The following ERN1 variants were observed in gnomAD, a reference collection of about 807,000 sequenced individuals.
ERN1 encodes serine/threonine-protein kinase/endoribonuclease IRE1.
Under a neutral mutation model 113.1 loss-of-function variants are expected in ERN1, and 39 were observed. The observed-to-expected ratio is 0.34, with a 90% CI of 0.27 to 0.45. ERN1 has a LOEUF of 0.45. Among genes scored for constraint, ERN1 ranks in the 20% least tolerant of loss-of-function variants. The pLI, the probability that ERN1 is intolerant of heterozygous loss-of-function variation, is 1.00. For synonymous variants in ERN1, 507 were observed against 515.9 expected (o/e 0.98, Z 0.23); for missense variants, 976 against 1,274.8 (o/e 0.77, Z 3.57).
At chr17:64,066,486 T>C (rs915530150) in intron 8 of ERN1, among the ~76,000 whole-genome samples, 185 bp downstream of exon 8, 8 of 152,194 alleles carry the variant, frequency 5.3e-5, no homozygotes, top group African/African-American at 1.7e-4. Flanking sequence ...CTCTGAAGTG[T>C]TAATGGGTGC....
intron 1 of ERN1, among the ~76,000 whole-genome samples, chr17:64,107,696 C>G (rs1386255783): frequency 6.6e-6 from 1 of 152,152 alleles, no homozygotes; most frequent in African/African-American, 2.4e-5. Context: ...AGTACTTATA[C>G]CCAAATATGG....
At chr17:64,072,531 A>G (rs1051777825) in intron 5 of ERN1, among the ~76,000 whole-genome samples, 1 of 152,230 alleles carries the variant, frequency 6.6e-6, no homozygotes, top group Non-Finnish European at 1.5e-5. Flanking sequence ...CAACCTCCCT[A>G]ATAACCAGCC....
chr17:64,059,848 A>ATTT (rs57472561), intron 11 of ERN1, among the ~76,000 whole-genome samples: 11 of 114,590 alleles, frequency 9.6e-5, no homozygotes, highest in East Asian at 5.0e-4. Context: ...TTCTTCAACA[A>ATTT]TTTTTTTTTT....
At chr17:64,045,595 G>C (rs1912488736) in intron 19 of ERN1, 113 bp from the exon 20 acceptor site, 3 of 1,376,568 alleles carry the variant, frequency 2.2e-6, no homozygotes, top group Non-Finnish European at 3.0e-6. Context: ...CCCAGAGCTG[G>C]GCAGCAGGCA....
Position 64,068,180 on chromosome 17 carries a change from G to C in ERN1, c.580+10C>G, listed in dbSNP as rs1598056875. The C allele has an allele frequency of 6.3e-7, 1 of 1,591,362 alleles. No homozygotes were observed. The highest frequency in any genetic ancestry group is 8.6e-7 in the Non-Finnish European group (1 of 1,164,858). ...GCCCAAGCTTGTGAAATCCAGCAGA[G>C]AGCACTTACTGTAGTCCACGTCGTC... On this transcript the variant is annotated intron_variant, in intron 7 of 21. Transcript: ENST00000433197.
At position 64,079,756 on chromosome 17, in the gene ERN1, T is replaced by C. The variant is rs558024808; in HGVS notation, c.210-22A>G. On this transcript the variant is annotated intron_variant, in intron 3 of 21. Coordinates refer to ENST00000433197, the MANE Select transcript of ERN1 (RefSeq NM_001433.5). ...AGGCCTAGAGATTAAATAATAAATATCAAAGATAAATTACAGCCCAGGGCA... is the reference window on the plus strand; with the variant it reads ...AGGCCTAGAGATTAAATAATAAATACCAAAGATAAATTACAGCCCAGGGCA... The C allele has an allele frequency of 1.9e-6, 3 of 1,595,838 alleles. No homozygotes were observed. The African/African-American group carries it at 4.0e-5, about 21-fold the overall frequency.
Position 64,099,329 on chromosome 17 carries a change from T to C in ERN1, c.55-1088A>G, listed in dbSNP as rs373120511. On this transcript the variant is annotated intron_variant, in intron 1 of 21. Coordinates refer to ENST00000433197, the MANE Select transcript of ERN1 (RefSeq NM_001433.5). ...GGCTTTGCTAGGAATTGTACCCTCA[T>C]TCCACAGGGTTTCCATGGGAGCAGG... Among the ~76,000 whole-genome samples the C allele has an allele frequency of 1.4e-3, 218 of 152,122 alleles. 1 individual carries two copies. The highest frequency in any genetic ancestry group is 6.8e-3 in the Middle Eastern group (2 of 294).
chr17:64,105,867 A>C (rs894103563), intron 1 of ERN1, among the ~76,000 whole-genome samples: 1 of 152,038 alleles, frequency 6.6e-6, no homozygotes, highest in East Asian at 1.9e-4. Flanking sequence ...AGGCAGGAGA[A>C]TCGATTGAAC....
At chr17:64,074,546 T>C (rs757283188) in intron 5 of ERN1, among the ~76,000 whole-genome samples, 8 of 152,216 alleles carry the variant, frequency 5.3e-5, no homozygotes, top group Non-Finnish European at 1.2e-4. Flanking sequence ...GAGGCATGAA[T>C]AGGCAATAAG....
rs756546213 is a variant in ERN1 at position 64,044,170 on chromosome 17, C to A, written c.2752G>T (p.Val918Leu). The change falls in exon 22 of 22, where the codon GTG becomes TTG. Residue 918 changes from valine (V) to leucine (L), a missense_variant. By Grantham distance (32) the Val-to-Leu change is conservative (BLOSUM62 1). Coordinates refer to ENST00000433197, the MANE Select transcript of ERN1 (RefSeq NM_001433.5). This position sits in a 1 kb window ranked among gnomAD's most constrained non-coding sequence, Gnocchi z 4.1. ...GGGAGGGACCCCAGCGTCTCCCGCACCTCTGCAGGCAGCTCCCGGTAGTGG... is the reference window on the plus strand; with the variant it reads ...GGGAGGGACCCCAGCGTCTCCCGCAACTCTGCAGGCAGCTCCCGGTAGTGG... ...KHHYRELPAE[V>L]RETLGSLPDD... is the part of the protein sequence containing the mutation. 6.3e-7 allele frequency: 1 copy of A among 1,579,040 alleles called. No homozygotes were observed. The highest frequency in any genetic ancestry group is 1.7e-5 in the Admixed American group (1 of 57,414).
rs1158260119 is a variant in ERN1, at chr17:64,064,147, C to T, written c.926G>A (p.Arg309His). The T allele has an allele frequency of 2.5e-6, 4 of 1,594,620 alleles. No homozygotes were observed. The highest frequency in any genetic ancestry group is 1.7e-4 in the Middle Eastern group (1 of 5,958). ...MVHEGVAVVP[R>H]GSTLPLLEGP... ...TTCCAGCAAAGGAAGTGTGCTGCCG[C>T]GGGGCTGTGGAGAGGGTGCAGTGAG... Residue 309 changes from arginine (R) to histidine (H), a missense_variant, in exon 10 of 22, where the codon CGC becomes CAC. Coordinates refer to ENST00000433197, the MANE Select transcript of ERN1 (RefSeq NM_001433.5).
chr17:64,080,821 A>G lies in ERN1; in HGVS notation c.176-13T>C. On this transcript the variant is annotated splice_polypyrimidine_tract_variant and intron_variant, in intron 2 of 21. Transcript: ENST00000433197. ...TGCAGGACTGGATCTGTGCAAAAGA[A>G]CAACAAAGCCATCATCAGAAACATC... 1 of 1,608,466 alleles carries G rather than the reference A, an allele frequency of 6.2e-7. No individual in the cohort carries two copies. Among genetic ancestry groups the G allele is most frequent in the Non-Finnish European group, 8.5e-7 (1 of 1,177,290 alleles).
At chr17:64,101,844 G>A (rs1914393476) in intron 1 of ERN1, among the ~76,000 whole-genome samples, 1 of 152,142 alleles carries the variant, frequency 6.6e-6, no homozygotes, top group Non-Finnish European at 1.5e-5. Context: ...TATTAAAAAG[G>A]GTTAATATTC....
intron 4 of ERN1, among the ~76,000 whole-genome samples, chr17:64,078,072 C>A (rs965427408): frequency 3.3e-5 from 5 of 152,190 alleles, no homozygotes; most frequent in Non-Finnish European, 5.9e-5. Context: ...CCTAGGAGGG[C>A]ATTACTGGGT....
chr17:64,072,323 C>A (rs982488898), intron 5 of ERN1, among the ~76,000 whole-genome samples: 1 of 152,226 alleles, frequency 6.6e-6, no homozygotes, highest in Admixed American at 6.5e-5. Context: ...ATACAAATTC[C>A]TCCAAACCCA....
intron 1 of ERN1, among the ~76,000 whole-genome samples, chr17:64,117,620 C>T (rs1914843900): frequency 1.3e-5 from 2 of 152,170 alleles, no homozygotes; most frequent in African/African-American, 4.8e-5. Context: ...CCAACCTGTA[C>T]ATTACCCCAA....
chr17:64,090,668 C>A (rs1214039047), intron 2 of ERN1, among the ~76,000 whole-genome samples: 1 of 152,192 alleles, frequency 6.6e-6, no homozygotes, highest in Non-Finnish European at 1.5e-5. Context: ...AAAGACGACC[C>A]ATCGGAGCTG....
intron 1 of ERN1, among the ~76,000 whole-genome samples, chr17:64,100,919 G>A (rs7223550): frequency 0.048 from 7,236 of 152,228 alleles, 547 homozygotes; most frequent in African/African-American, 0.17. Context: ...ATGACTGAAA[G>A]GACTGGGAGA....
At chr17:64,103,747 T>C (rs1021702670) in intron 1 of ERN1, among the ~76,000 whole-genome samples, 2 of 152,342 alleles carry the variant, frequency 1.3e-5, no homozygotes, top group African/African-American at 4.8e-5. Context: ...TTTTCTTAAA[T>C]GCCTTCTGAA....
Sources: allele counts gnomAD v4.1 joint callset (sites outside exome capture counted in the v4.1 genomes callset), GRCh38; gene constraint gnomAD v4.1.1; non-coding constraint Gnocchi (gnomAD v3.1); transcripts MANE v1.5; gene names NCBI Gene and HGNC (gene_info 2026-07-23, HGNC 2026-07-21).